Variants in ANKRD30BL observed in about 807,000 individuals in gnomAD.
The protein encoded by ANKRD30BL is putative ankyrin repeat domain-containing protein 30B-like.
In ANKRD30BL, 20 loss-of-function variants were observed where a neutral mutation model predicts 18.4. The observed-to-expected ratio is 1.09, with a 90% CI of 0.77 to 1.58. The LOEUF (loss-of-function observed/expected upper bound fraction) is 1.58, where lower values mean the gene tolerates loss of function less well. ANKRD30BL is among the 40% of genes most tolerant of loss of function. The pLI, the probability that ANKRD30BL is intolerant of heterozygous loss-of-function variation, is 0.00. For missense variants in ANKRD30BL, 224 were observed against 268.6 expected (o/e 0.83, Z 1.16); for synonymous variants, 72 against 100.9 (o/e 0.71, Z 1.72).
intron 1 of ANKRD30BL, among the ~76,000 whole-genome samples, chr2:132,194,988 C>T (rs1678934379): frequency 6.6e-6 from 1 of 152,122 alleles, no homozygotes; most frequent in African/African-American, 2.4e-5. Flanking sequence ...AAGAATACAG[C>T]AGCAATTTGA....
chr2:132,177,150 C>A (rs1688379264), intron 1 of ANKRD30BL, among the ~76,000 whole-genome samples: 1 of 150,968 alleles, frequency 6.6e-6, no homozygotes. Flanking sequence ...GCCAGATGTG[C>A]CTATTTTTTT....
intron 4 of ANKRD30BL, among the ~76,000 whole-genome samples, chr2:132,151,436 C>A (rs1363075956): frequency 6.6e-6 from 1 of 152,000 alleles, no homozygotes; most frequent in Non-Finnish European, 1.5e-5. Context: ...TGTTCTTGAA[C>A]CTTATTGCTG....
intron 1 of ANKRD30BL, among the ~76,000 whole-genome samples, chr2:132,177,624 A>G (rs930864537): frequency 2.0e-5 from 3 of 152,216 alleles, no homozygotes; most frequent in African/African-American, 7.2e-5. Context: ...AGTCTTCCCT[A>G]GTGATTAAAG....
chr2:132,174,720 G>T (rs561115525), intron 1 of ANKRD30BL, among the ~76,000 whole-genome samples: 2 of 152,318 alleles, frequency 1.3e-5, no homozygotes, highest in East Asian at 3.9e-4. Flanking sequence ...GTCAAAAGAA[G>T]TAACTTCTAT....
chr2:132,183,752 T>C (rs990810787), intron 1 of ANKRD30BL, among the ~76,000 whole-genome samples: 3 of 152,094 alleles, frequency 2.0e-5, no homozygotes, highest in African/African-American at 7.2e-5. Context: ...TATGTATATG[T>C]GTGTATATGT....
intron 1 of ANKRD30BL, among the ~76,000 whole-genome samples, chr2:132,237,130 TG>T (rs1235041430): frequency 1.4e-5 from 2 of 144,762 alleles, no homozygotes; most frequent in African/African-American, 5.0e-5. Context: ...TGTTGTGAGG[TG>T]GGGGGAGGGG....
Position 132,233,291 on chromosome 2 carries a change from A to C in ANKRD30BL, n.441+24238T>G, listed in dbSNP as rs1213175029. On this transcript the variant is annotated intron_variant and non_coding_transcript_variant, in intron 1 of 4. Transcript: ENST00000470729. ...AACTGCATCAACTAATGAGCAAAAT[A>C]ACCAGCTAACATCATAATGACAGGA... 7.1e-3 allele frequency among the ~76,000 whole-genome samples: 1,064 copies of C among 150,390 alleles called. 7 individuals are homozygous for C. The highest frequency in any genetic ancestry group is 0.024 in the African/African-American group (984 of 40,672).
At chr2:132,201,026 G>C (rs1422207875) in intron 1 of ANKRD30BL, among the ~76,000 whole-genome samples, 3 of 152,016 alleles carry the variant, frequency 2.0e-5, no homozygotes, top group Non-Finnish European at 4.4e-5. Flanking sequence ...ACAAACCTGA[G>C]AAAAACAAGC....
rs1048201021 is a variant in ANKRD30BL at position 132,222,090 on chromosome 2, G to T, written n.441+35439C>A. 4.1e-5 allele frequency among the ~76,000 whole-genome samples: 6 copies of T among 147,536 alleles called. No individual in the cohort carries two copies. The South Asian group carries it at 6.3e-4, about 16-fold the overall frequency. ...GCCCCGTCCGGGAGGGAGGTCGGGG[G>T]GTCAGCCCCCCACCCGGCCAGCCGC... is the stretch of plus-strand genomic sequence containing the variant. On this transcript the variant is annotated intron_variant and non_coding_transcript_variant, in intron 1 of 4. Transcript: ENST00000470729.
At chr2:132,194,586 T>G (rs1678926136) in intron 1 of ANKRD30BL, among the ~76,000 whole-genome samples, 1 of 152,148 alleles carries the variant, frequency 6.6e-6, no homozygotes, top group South Asian at 2.1e-4. Context: ...CATGCTGTAG[T>G]CTCTTTCTAC....
chr2:132,189,558 T>C (rs1678802477), intron 1 of ANKRD30BL, among the ~76,000 whole-genome samples: 1 of 151,574 alleles, frequency 6.6e-6, no homozygotes, highest in African/African-American at 2.4e-5. Flanking sequence ...GTAAATACAA[T>C]GATATTCCAT....
At chr2:132,216,599 C>T (rs1363808297) in intron 1 of ANKRD30BL, among the ~76,000 whole-genome samples, 5 of 152,076 alleles carry the variant, frequency 3.3e-5, no homozygotes, top group Non-Finnish European at 7.4e-5. Flanking sequence ...CAGAGTTGAA[C>T]ATTTCTTTTG....
At chr2:132,202,257 A>G (rs1356882744) in intron 1 of ANKRD30BL, among the ~76,000 whole-genome samples, 3 of 152,038 alleles carry the variant, frequency 2.0e-5, no homozygotes, top group Non-Finnish European at 2.9e-5. Context: ...TAACCTGCAC[A>G]TTGTGCACAT....
At chr2:132,248,424 C>A (rs1342253886) in intron 1 of ANKRD30BL, among the ~76,000 whole-genome samples, 1 of 151,964 alleles carries the variant, frequency 6.6e-6, no homozygotes, top group Non-Finnish European at 1.5e-5. Context: ...ATGCTTCTGT[C>A]TAGTTTTTAT....
rs553693195 is a variant in ANKRD30BL at position 132,227,042 on chromosome 2, T to C, written n.441+30487A>G. Among the ~76,000 whole-genome samples the C allele has an allele frequency of 3.3e-5, 5 of 152,092 alleles. No homozygotes were observed. The East Asian group carries it at 9.7e-4, about 29-fold the overall frequency. On this transcript the variant is annotated intron_variant and non_coding_transcript_variant, in intron 1 of 4. Transcript: ENST00000470729. ...TGGTGGGAAAGGAAATATCTTCATA[T>C]AAAAACTAGGCAGAAGCATTCTCAG...
chr2:132,209,003 A>G (rs1032090043), intron 1 of ANKRD30BL, among the ~76,000 whole-genome samples: 19 of 152,150 alleles, frequency 1.2e-4, no homozygotes, highest in African/African-American at 4.6e-4. Flanking sequence ...GGAAAAGTAA[A>G]TATCTTCACA....
chr2:132,202,793 TACA>T (rs1460552175), intron 1 of ANKRD30BL, among the ~76,000 whole-genome samples: 3 of 152,218 alleles, frequency 2.0e-5, no homozygotes, highest in African/African-American at 7.2e-5. Flanking sequence ...TGGCCTCTAC[TACA>T]ACATTTGAAG....
At chr2:132,176,334 C>G (rs970792770) in intron 1 of ANKRD30BL, among the ~76,000 whole-genome samples, 3 of 152,014 alleles carry the variant, frequency 2.0e-5, no homozygotes, top group African/African-American at 7.2e-5. Context: ...TCAAGACCAG[C>G]CTGATCAACA....
Position 132,147,976 on chromosome 2 carries a change from A to G in ANKRD30BL, c.*155T>C. The G allele has an allele frequency of 4.7e-6, 3 of 634,386 alleles. No homozygotes were observed. The highest frequency in any genetic ancestry group is 5.6e-6 in the Non-Finnish European group (2 of 355,184). 39.3% of individuals were successfully genotyped at this position (634,386 alleles called of 1,614,324 possible). A position where few individuals can be genotyped will look rare whatever the true frequency, so the allele number is the denominator to read the frequency against. On this transcript the variant is annotated 3_prime_UTR_variant, in exon 6 of 6. Coordinates refer to ENST00000409867, the MANE Select transcript of ANKRD30BL (RefSeq NM_001358416.1). ...GAGGCATAACGAACGAGGAAGTTAA[A>G]CTTTAAAACGGAGAACAAAGAACAG... is the stretch of plus-strand genomic sequence containing the variant.
Sources: gnomAD v4.1 joint callset for allele counts (sites outside exome capture counted in the v4.1 genomes callset) on GRCh38, gnomAD v4.1.1 for gene constraint, MANE v1.5 for transcripts, NCBI Gene and HGNC (gene_info 2026-07-23, HGNC 2026-07-21) for gene names.